ANK3: variants seen among roughly 807,000 people sequenced by gnomAD.
The protein encoded by ANK3 is ankyrin-3.
ANK3 carries 57 observed loss-of-function variants against 370.9 expected under a neutral mutation model. That is an observed-to-expected ratio of 0.15 (90% CI 0.12 to 0.19). The LOEUF (loss-of-function observed/expected upper bound fraction) is 0.19, where lower values mean the gene tolerates loss of function less well. Ranked by LOEUF, ANK3 falls within the 10% of genes least tolerant of loss-of-function variation. ANK3 has a pLI of 1.00. For missense variants in ANK3, 4,439 were observed against 5,302.1 expected (o/e 0.84, Z 5.06); for synonymous variants, 1,929 against 1,946.3 (o/e 0.99, Z 0.23).
intron 2 of ANK3, among the ~76,000 whole-genome samples, chr10:60,453,233 A>G (rs534785962): frequency 6.6e-6 from 1 of 152,274 alleles, no homozygotes; most frequent in South Asian, 2.1e-4. Context: ...TGCAATCTAC[A>G]AAGTAGCTTC....
chr10:60,401,965 C>G (rs1245405140), intron 2 of ANK3, among the ~76,000 whole-genome samples: 1 of 152,120 alleles, frequency 6.6e-6, no homozygotes, highest in Non-Finnish European at 1.5e-5. Flanking sequence ...TTCTATCATC[C>G]CATTCCCAAC....
In ANK3 at chr10:60,080,564, A is replaced by G. The variant is rs1226462921; in HGVS notation, c.4405T>C (p.Tyr1469His). The change falls in exon 36 of 44, where the codon TAC becomes CAC. Residue 1469 changes from tyrosine to histidine, a missense_variant. Tyr to His is a moderately conservative substitution (Grantham distance 83). Transcript: ENST00000280772. ...SFASLALRKR[Y>H]SYLTEPGMIE... The stretch of plus-strand genomic sequence containing the variant: ...ATTCCAGGCTCAGTCAAGTAGCTGT[A>G]GCGCTTACGTAAAGCTAAGGATGCG... 17 of 1,612,474 alleles carry G rather than the reference A, an allele frequency of 1.1e-5. No individual in the cohort carries two copies. Among genetic ancestry groups the G allele is most frequent in the Non-Finnish European group, 1.4e-5 (17 of 1,179,504 alleles).
At chr10:60,056,241 G>A (rs565057328) in intron 41 of ANK3, among the ~76,000 whole-genome samples, 9 of 152,072 alleles carry the variant, frequency 5.9e-5, no homozygotes, top group South Asian at 2.1e-4. Flanking sequence ...AGGCTGAGGC[G>A]GGAGATCACC....
intron 1 of ANK3, among the ~76,000 whole-genome samples, chr10:60,703,005 T>TA (rs2079565898): frequency 1.3e-5 from 2 of 152,252 alleles, no homozygotes; most frequent in South Asian, 4.1e-4. Context: ...ACAAAGGACT[T>TA]AGTTTCCTTG....
At chr10:60,157,062 A>G (rs1338738422) in intron 23 of ANK3, among the ~76,000 whole-genome samples, 4 of 136,408 alleles carry the variant, frequency 2.9e-5, no homozygotes, top group Non-Finnish European at 6.2e-5. Context: ...TTCGAGATAG[A>G]GTTTCACTCT....
intron 2 of ANK3, among the ~76,000 whole-genome samples, chr10:60,467,980 A>C (rs2133070461): frequency 7.8e-6 from 1 of 128,952 alleles, no homozygotes; most frequent in Non-Finnish European, 1.6e-5. Context: ...AAAACATATA[A>C]AAACTTTTTT....
intron 8 of ANK3, among the ~76,000 whole-genome samples, chr10:60,226,291 T>TAG (rs2097139928): frequency 3.5e-5 from 4 of 112,842 alleles, no homozygotes; most frequent in East Asian, 5.4e-4. Flanking sequence ...ATATGCTATA[T>TAG]TATATAGTAT....
chr10:60,621,759 G>A (rs2044122), intron 1 of ANK3, among the ~76,000 whole-genome samples: 59,734 of 151,768 alleles, frequency 0.39, 11,862 homozygotes, highest in East Asian at 0.43. Context: ...ATATAATGAG[G>A]CTCTGTAAAG....
chr10:60,319,679 C>T (rs1593656478), intron 1 of ANK3, among the ~76,000 whole-genome samples: 1 of 152,254 alleles, frequency 6.6e-6, no homozygotes, highest in East Asian at 1.9e-4. Context: ...CTTGCCTCAA[C>T]CCACAGGTAA....
At chr10:60,239,494 TACTG>T (rs1484182020) in intron 7 of ANK3, among the ~76,000 whole-genome samples, 1 of 152,078 alleles carries the variant, frequency 6.6e-6, no homozygotes, top group Non-Finnish European at 1.5e-5. Flanking sequence ...CATCTTTAAA[TACTG>T]ACTGTCAAAT....
intron 8 of ANK3, among the ~76,000 whole-genome samples, chr10:60,224,314 A>C (rs2132495947): frequency 6.6e-6 from 1 of 152,266 alleles, no homozygotes; most frequent in Non-Finnish European, 1.5e-5. Flanking sequence ...AAAGCAACAC[A>C]AACTGGCTAG....
At chr10:60,045,150 T>C (rs1319001010) in intron 42 of ANK3, among the ~76,000 whole-genome samples, 6 of 152,218 alleles carry the variant, frequency 3.9e-5, no homozygotes, top group African/African-American at 1.2e-4. Flanking sequence ...CCAGAACTGC[T>C]GCATCTCTAT....
At chr10:60,226,756 TTAA>T (rs2097170778) in intron 8 of ANK3, among the ~76,000 whole-genome samples, 1 of 144,602 alleles carries the variant, frequency 6.9e-6, no homozygotes, top group Non-Finnish European at 1.5e-5. Flanking sequence ...TAAAGTAATA[TTAA>T]TATTACATAT....
chr10:60,034,119 T>G (rs531301856), intron 43 of ANK3, among the ~76,000 whole-genome samples: 57 of 148,176 alleles, frequency 3.8e-4, no homozygotes, highest in African/African-American at 1.4e-3. Flanking sequence ...TTTTTTTTTT[T>G]TTTTTGAGAC....
intron 1 of ANK3, among the ~76,000 whole-genome samples, chr10:60,350,494 A>C (rs1232935510): frequency 1.3e-5 from 2 of 152,236 alleles, no homozygotes; most frequent in African/African-American, 2.4e-5. Flanking sequence ...TACAGAAGCT[A>C]TTCCAAGTTT....
Position 60,131,555 on chromosome 10 carries a change from C to A in ANK3, c.2841+2716G>T, listed in dbSNP as rs148507443. Among the ~76,000 whole-genome samples, 1,004 of 152,328 alleles carry A rather than the reference C, an allele frequency of 6.6e-3. 4 individuals carry two copies. Among genetic ancestry groups the A allele is most frequent in the Non-Finnish European group, 0.011 (747 of 68,040 alleles). ...CTGACTACAAGAGCATCAGTTTCAT[C>A]TCAAAACTTCTCTTTGTCTTCTATT... On this transcript the variant is annotated intron_variant, in intron 25 of 43. Transcript: ENST00000280772.
At chr10:60,704,786 T>C (rs548754056) in intron 1 of ANK3, among the ~76,000 whole-genome samples, 1 of 152,326 alleles carries the variant, frequency 6.6e-6, no homozygotes, top group South Asian at 2.1e-4. Flanking sequence ...TACTATGCTA[T>C]CATGGTGGGA....
chr10:60,111,462 G>C (rs1005749938), intron 26 of ANK3, among the ~76,000 whole-genome samples: 2 of 152,124 alleles, frequency 1.3e-5, no homozygotes, highest in South Asian at 4.1e-4. Context: ...ACAAACTCAT[G>C]TCTTACATAT....
intron 1 of ANK3, among the ~76,000 whole-genome samples, chr10:60,344,371 A>C (rs967921058): frequency 6.6e-6 from 1 of 152,254 alleles, no homozygotes; most frequent in Non-Finnish European, 1.5e-5. Context: ...ACTGAAGAAT[A>C]AAACAATAAT....
Sources: allele counts gnomAD v4.1 joint callset (sites outside exome capture counted in the v4.1 genomes callset), GRCh38; gene constraint gnomAD v4.1.1; transcripts MANE v1.5; gene names NCBI Gene and HGNC (gene_info 2026-07-23, HGNC 2026-07-21).